RSPO4: variants seen among roughly 807,000 people sequenced by gnomAD.
RSPO4 encodes R-spondin-4.
In RSPO4, 23 loss-of-function variants were observed where a neutral mutation model predicts 24.8. That is an observed-to-expected ratio of 0.93 (90% CI 0.67 to 1.31). RSPO4 has a LOEUF of 1.31. Among genes scored for constraint, RSPO4 ranks in the 40% most tolerant of loss-of-function variants. The pLI, the probability that RSPO4 is intolerant of heterozygous loss-of-function variation, is 0.00. For synonymous variants in RSPO4, 141 were observed against 127.4 expected (o/e 1.11, Z -0.72); for missense variants, 333 against 316.5 (o/e 1.05, Z -0.39).
At position 1,002,240 on chromosome 20, in the gene RSPO4, G is replaced by T; in HGVS notation, c.-76C>A. 1 of 1,049,920 alleles carries T rather than the reference G, an allele frequency of 9.5e-7. No homozygotes were observed. The highest frequency in any genetic ancestry group is 4.0e-5 in the East Asian group (1 of 25,220). The allele number at this position is 1,049,920 out of a possible 1,614,324, so 65.0% of individuals were successfully genotyped here. On this transcript the variant is annotated 5_prime_UTR_variant, in exon 1 of 5. Transcript: ENST00000217260. The surrounding 1 kb of genome is among the most constrained non-coding windows in gnomAD (Gnocchi z 4.6). ...GGGCCCCACGTCCCGGCGGCGGCACGGCGGGCGCGGGGGCTGCTGTGGGCG... is the reference window on the plus strand; with the variant it reads ...GGGCCCCACGTCCCGGCGGCGGCACTGCGGGCGCGGGGGCTGCTGTGGGCG...
At chr20:976,829 G>T (rs1266515396) in intron 1 of RSPO4, among the ~76,000 whole-genome samples, 1 of 151,948 alleles carries the variant, frequency 6.6e-6, no homozygotes, top group Admixed American at 6.6e-5. Flanking sequence ...AGACTAATTT[G>T]GATAGATTTC....
At chr20:977,729 C>T (rs991409421) in intron 1 of RSPO4, among the ~76,000 whole-genome samples, 2 of 152,084 alleles carry the variant, frequency 1.3e-5, no homozygotes, top group African/African-American at 2.4e-5. Context: ...GGAGGACTCC[C>T]CAGGGCTAAG....
At chr20:982,191 C>T (rs375376138) in intron 1 of RSPO4, among the ~76,000 whole-genome samples, 113 of 152,282 alleles carry the variant, frequency 7.4e-4, no homozygotes, top group African/African-American at 2.7e-3. Context: ...CTTCTCCAGA[C>T]CCACCTGCCC....
chr20:977,182 T>C (rs1055599510), intron 1 of RSPO4, among the ~76,000 whole-genome samples: 1 of 152,236 alleles, frequency 6.6e-6, no homozygotes, highest in Non-Finnish European at 1.5e-5. Context: ...CACAGGCTGC[T>C]GGGCCTTACC....
chr20:977,624 G>A (rs1339586035), intron 1 of RSPO4, among the ~76,000 whole-genome samples: 1 of 152,188 alleles, frequency 6.6e-6, no homozygotes, highest in Non-Finnish European at 1.5e-5. Flanking sequence ...ATTTTTGGGG[G>A]TAGAGTTTCT....
chr20:960,573 C>T (rs1043053182), intron 4 of RSPO4, 107 bp from the exon 5 acceptor site: 7 of 801,094 alleles, frequency 8.7e-6, no homozygotes, highest in Admixed American at 4.0e-5. Flanking sequence ...TCCCCAACAA[C>T]GGGGCTCAGA....
At chr20:998,980 G>T (rs117760147) in intron 1 of RSPO4, among the ~76,000 whole-genome samples, 3,785 of 147,856 alleles carry the variant, frequency 0.026, 209 homozygotes, top group East Asian at 0.21. Flanking sequence ...ACTCTCTCTC[G>T]CTCTCTTTTT....
rs147674219 is a variant in RSPO4 at position 969,248 on chromosome 20, T to G, written c.80-1110A>C. Among the ~76,000 whole-genome samples, 68 of 152,354 alleles carry G rather than the reference T, an allele frequency of 4.5e-4. No homozygotes were observed. The East Asian group carries it at 0.012, about 26-fold the overall frequency. ...GGAGGATCGCCTGAGCGGGGAAGGC[T>G]GCAGTGAGCTGTGTTTGTGCCACTG... On this transcript the variant is annotated intron_variant, in intron 1 of 4. Transcript: ENST00000217260.
intron 1 of RSPO4, among the ~76,000 whole-genome samples, chr20:976,954 A>G (rs1451460416): frequency 6.6e-6 from 1 of 152,210 alleles, no homozygotes; most frequent in African/African-American, 2.4e-5. Flanking sequence ...GTGAGTGGTT[A>G]GAGTTACATA....
At chr20:969,251 A>G (rs1248775513) in intron 1 of RSPO4, among the ~76,000 whole-genome samples, 1 of 152,252 alleles carries the variant, frequency 6.6e-6, no homozygotes, top group African/African-American at 2.4e-5. Context: ...GGAAGGCTGC[A>G]GTGAGCTGTG....
rs147416132 is a variant in RSPO4, at chr20:964,025, C to T, written c.505G>A (p.Glu169Lys). The T allele has an allele frequency of 9.3e-6, 15 of 1,613,834 alleles. No individual in the cohort carries two copies. The highest frequency in any genetic ancestry group is 1.3e-5 in the Non-Finnish European group (15 of 1,180,026). ...TCCTCATGCCCAGCCCGGCCAGCCT[C>T]TCGTACCCGGCTCTCCAGGCCCCAA... The part of the protein sequence containing the change: ...SAWGLESRVR[E>K]AGRAGHEEAA... The change falls in exon 4 of 5, where the codon GAG becomes AAG. Residue 169 changes from glutamate (E) to lysine (K), a missense_variant. Coordinates refer to ENST00000217260, the MANE Select transcript of RSPO4 (RefSeq NM_001029871.4).
At chr20:984,879 C>G (rs1984850989) in intron 1 of RSPO4, among the ~76,000 whole-genome samples, 1 of 151,482 alleles carries the variant, frequency 6.6e-6, no homozygotes, top group African/African-American at 2.4e-5. Context: ...ACCTACCCAT[C>G]TGCCCACCCA....
rs755637414 is a variant in RSPO4, at chr20:968,027, C to T, written c.191G>A (p.Arg64His). ...GTCGTGCAGGCACTTGCCGTACTGG[C>T]GGATGCCTTCCCGGCGGATGAACAG... ...LFLFIRREGI[R>H]QYGKCLHDCP... The change falls in exon 2 of 5, where the codon CGC becomes CAC. Residue 64 changes from arginine (R) to histidine (H), a missense_variant. Transcript: ENST00000217260. 1.9e-6 allele frequency: 3 copies of T among 1,614,236 alleles called. No homozygotes were observed. The highest frequency in any genetic ancestry group is 1.7e-6 in the Non-Finnish European group (2 of 1,180,048).
chr20:992,605 A>G (rs1985146913), intron 1 of RSPO4, among the ~76,000 whole-genome samples: 1 of 152,102 alleles, frequency 6.6e-6, no homozygotes, highest in African/African-American at 2.4e-5. Flanking sequence ...TCACATGCAT[A>G]GTCATCTTGA....
chr20:996,615 G>C (rs190488164), intron 1 of RSPO4, among the ~76,000 whole-genome samples: 2 of 152,154 alleles, frequency 1.3e-5, no homozygotes, highest in Non-Finnish European at 2.9e-5. Context: ...AGTATTCTTA[G>C]CTTGAAGGCC....
At chr20:972,905 G>A (rs1984451859) in intron 1 of RSPO4, among the ~76,000 whole-genome samples, 1 of 152,230 alleles carries the variant, frequency 6.6e-6, no homozygotes, top group Non-Finnish European at 1.5e-5. Context: ...GGCAGAATAG[G>A]ACTTCAAATT....
rs1218199374 is a variant in RSPO4, at chr20:963,945, G to T, written c.585C>A (p.Pro195=). The change falls in exon 4 of 5, where the codon CCC becomes CCA. Residue 195 remains proline, a synonymous_variant. Transcript: ENST00000217260. ...TGTCCTGGGGCTCACCTCCTGGGCA[G>T]GGCCTCTGGATGGGACATTTCCTTG... ...SESRKCPIQR[P]CPGERSPGQK... 1.2e-6 allele frequency: 2 copies of T among 1,613,856 alleles called. No individual in the cohort carries two copies. The highest frequency in any genetic ancestry group is 3.3e-5 in the Admixed American group (2 of 60,032).
rs780473273 is a variant in RSPO4 at position 964,053 on chromosome 20, C to T, written c.477G>A (p.Ser159=). The T allele has an allele frequency of 6.2e-6, 10 of 1,613,602 alleles. No individual in the cohort carries two copies. The highest frequency in any genetic ancestry group is 2.2e-5 in the East Asian group (1 of 44,882). The change falls in exon 4 of 5, where the codon TCG becomes TCA. Residue 159 remains serine, a synonymous_variant. Transcript: ENST00000217260. The stretch of plus-strand genomic sequence containing the variant: ...GTACCCGGCTCTCCAGGCCCCAAGC[C>T]GAGCCGCAGGTCTTTCCATTGTGTG... ...PCTHNGKTCG[S]AWGLESRVRE...
rs1983896234 is a variant in RSPO4 at position 959,127 on chromosome 20, C to CGAGTGTGGTGGTGGGTGTGGGGG, written c.*1229_*1230insCCCCCACACCCACCACCACACTC. On this transcript the variant is annotated 3_prime_UTR_variant, in exon 5 of 5. Coordinates refer to ENST00000217260, the MANE Select transcript of RSPO4 (RefSeq NM_001029871.4). ...GGGGAGTGTGGTGGTGGGTGTGGGGCAGTGTGGTGGTGGGTGTGGGCGAGT... is the reference window on the plus strand; with the variant it reads ...GGGGAGTGTGGTGGTGGGTGTGGGGCGAGTGTGGTGGTGGGTGTGGGGGAGTGTGGTGGTGGGTGTGGGCGAGT... The CGAGTGTGGTGGTGGGTGTGGGGG allele has an allele frequency of 1.1e-4, 13 of 119,744 alleles. No individual in the cohort carries two copies. Among genetic ancestry groups the CGAGTGTGGTGGTGGGTGTGGGGG allele is most frequent in the African/African-American group, 3.5e-4 (12 of 34,020 alleles). The allele number at this position is 119,744 out of a possible 1,614,324, so 7.4% of individuals were successfully genotyped here.
Sources: gnomAD v4.1 joint callset for allele counts (sites outside exome capture counted in the v4.1 genomes callset) on GRCh38, gnomAD v4.1.1 for gene constraint, Gnocchi (gnomAD v3.1) non-coding constraint, MANE v1.5 for transcripts, NCBI Gene and HGNC (gene_info 2026-07-23, HGNC 2026-07-21) for gene names.